LMOD1: variants seen among roughly 807,000 people sequenced by gnomAD.
LMOD1 encodes leiomodin 1.
Under a neutral mutation model 36.5 loss-of-function variants are expected in LMOD1, and 8 were observed. The observed-to-expected ratio is 0.22, with a 90% CI of 0.13 to 0.40. The LOEUF is 0.40. Ranked by LOEUF, LMOD1 falls within the 10% of genes least tolerant of loss-of-function variation. The probability of loss-of-function intolerance (pLI) is 1.00; values close to 1 mark genes in which losing one functional copy is unlikely to be tolerated. For synonymous variants in LMOD1, 284 were observed against 288.7 expected (o/e 0.98, Z 0.17); for missense variants, 630 against 751.1 (o/e 0.84, Z 1.88).
Position 201,896,729 on chromosome 1 carries a change from C to T in LMOD1, c.*1643G>A. On this transcript the variant is annotated 3_prime_UTR_variant, in exon 3 of 3. Coordinates refer to ENST00000367288, the MANE Select transcript of LMOD1 (RefSeq NM_012134.3). ...GAGCCAGTGTGTGTCTGTCTCCTCTCCTCTGGGCCCAGTGATTGCTTAGGT... is the reference window on the plus strand; with the variant it reads ...GAGCCAGTGTGTGTCTGTCTCCTCTTCTCTGGGCCCAGTGATTGCTTAGGT... 1 of 456,256 alleles carries T rather than the reference C, an allele frequency of 2.2e-6. No individual in the cohort carries two copies. Among genetic ancestry groups the T allele is most frequent in the Non-Finnish European group, 4.4e-6 (1 of 226,928 alleles). The allele number at this position is 456,256 out of a possible 1,614,324, so 28.3% of individuals were successfully genotyped here. A position where few individuals can be genotyped will look rare whatever the true frequency, so the allele number is the denominator to read the frequency against.
At position 201,896,819 on chromosome 1, in the gene LMOD1, T is replaced by C. The variant is rs1037940835; in HGVS notation, c.*1553A>G. 9.7e-5 allele frequency: 42 copies of C among 433,494 alleles called. No individual in the cohort carries two copies. The highest frequency in any genetic ancestry group is 1.9e-4 in the Non-Finnish European group (41 of 213,960). The allele number at this position is 433,494 out of a possible 1,614,324, so 26.9% of individuals were successfully genotyped here. A position where few individuals can be genotyped will look rare whatever the true frequency, so the allele number is the denominator to read the frequency against. On this transcript the variant is annotated 3_prime_UTR_variant, in exon 3 of 3. Coordinates refer to ENST00000367288, the MANE Select transcript of LMOD1 (RefSeq NM_012134.3). Reference sequence around the variant, plus strand: ...GAGTGTACCCTGGGATCTGAGGGCTTTACCCCCAGGACTAGACTGCCCTCT... The same window carrying C: ...GAGTGTACCCTGGGATCTGAGGGCTCTACCCCCAGGACTAGACTGCCCTCT...
rs79685078 is a variant in LMOD1, at chr1:201,915,152, C to T, written c.262-14401G>A. On this transcript the variant is annotated intron_variant, in intron 1 of 2. Coordinates refer to ENST00000367288, the MANE Select transcript of LMOD1 (RefSeq NM_012134.3). ...TATTGGCCAGGTCCTTCCTTCAAAA[C>T]GCTTCCCCATCGGTTTCCACCGCAG... is the stretch of plus-strand genomic sequence containing the variant. Among the ~76,000 whole-genome samples, 14 of 152,278 alleles carry T rather than the reference C, an allele frequency of 9.2e-5. No individual in the cohort carries two copies. The East Asian group carries it at 2.1e-3, about 23-fold the overall frequency.
intron 1 of LMOD1, among the ~76,000 whole-genome samples, chr1:201,914,838 G>A (rs1443548780): frequency 6.6e-6 from 1 of 150,928 alleles, no homozygotes; most frequent in African/African-American, 2.4e-5. Context: ...CTCTTTCCTG[G>A]CCCCTTCCCA....
intron 1 of LMOD1, among the ~76,000 whole-genome samples, chr1:201,913,525 C>T (rs1486014066): frequency 1.3e-5 from 2 of 152,024 alleles, no homozygotes; most frequent in South Asian, 2.1e-4. Flanking sequence ...GAGAATCGTC[C>T]GAAGTCAGGA....
At chr1:201,924,679 A>AAGAAAGAAAGAG (rs1283817201) in intron 1 of LMOD1, among the ~76,000 whole-genome samples, 4 of 36,708 alleles carry the variant, frequency 1.1e-4, no homozygotes, top group Admixed American at 3.2e-4. Context: ...GAAAGAAAGA[A>AAGAAAGAAAGAG]AGAAAGAAAG....
intron 1 of LMOD1, among the ~76,000 whole-genome samples, chr1:201,906,234 C>T (rs1396504252): frequency 6.6e-6 from 1 of 152,204 alleles, no homozygotes; most frequent in Non-Finnish European, 1.5e-5. Flanking sequence ...CTGGTTTCTC[C>T]TTGACCAAAG....
chr1:201,941,608 G>C (rs956670365), intron 1 of LMOD1, among the ~76,000 whole-genome samples: 7 of 152,234 alleles, frequency 4.6e-5, no homozygotes, highest in Admixed American at 2.0e-4. Context: ...GGCATTCTGA[G>C]GGTTAGGCCG....
Position 201,917,641 on chromosome 1 carries a change from TA to T in LMOD1, c.262-16891del, listed in dbSNP as rs34091558. On this transcript the variant is annotated intron_variant, in intron 1 of 2. Transcript: ENST00000367288. ...AAACCGGGAAATCTCTTTGGGGAGATAAACAAGTCACTGTAGCACTCTGCTC... is the reference window on the plus strand; with the variant it reads ...AAACCGGGAAATCTCTTTGGGGAGATAACAAGTCACTGTAGCACTCTGCTC... Among the ~76,000 whole-genome samples the T allele has an allele frequency of 0.25, 38,199 of 152,090 alleles. 5,294 individuals carry two copies. Among genetic ancestry groups the T allele is most frequent in the Non-Finnish European group, 0.32 (21,800 of 67,930 alleles).
At chr1:201,905,003 GT>G (rs1681390685) in intron 1 of LMOD1, among the ~76,000 whole-genome samples, 1 of 152,236 alleles carries the variant, frequency 6.6e-6, no homozygotes, top group Admixed American at 6.5e-5. Flanking sequence ...CTGTGTTTCT[GT>G]CGCTAGACCT....
chr1:201,898,193 A>G lies in LMOD1; in HGVS notation c.*179T>C, dbSNP rs1387835678. ...GGAGAGCCTCAGAGACAAGAAAAGG[A>G]AAGTGAGAAGAGATAAGGCATCCTT... On this transcript the variant is annotated 3_prime_UTR_variant, in exon 3 of 3. Transcript: ENST00000367288. 4 of 655,432 alleles carry G rather than the reference A, an allele frequency of 6.1e-6. No individual in the cohort carries two copies. Among genetic ancestry groups the G allele is most frequent in the Non-Finnish European group, 1.1e-5 (4 of 369,422 alleles). The allele number at this position is 655,432 out of a possible 1,614,324, so 40.6% of individuals were successfully genotyped here.
At chr1:201,902,222 C>G (rs1681343689) in intron 1 of LMOD1, among the ~76,000 whole-genome samples, 3 of 151,134 alleles carry the variant, frequency 2.0e-5, no homozygotes, top group African/African-American at 7.3e-5. Context: ...TTTTTAAATT[C>G]ACAGTATTGT....
rs1296821071 is a variant in LMOD1 at position 201,924,343 on chromosome 1, G to T, written c.261+21737C>A. On this transcript the variant is annotated intron_variant, in intron 1 of 2. Coordinates refer to ENST00000367288, the MANE Select transcript of LMOD1 (RefSeq NM_012134.3). ...TGTCTCAAAAAAAAAAAAAAAGAAAGCAAGGGAAGGAGGGAGGGAGAGAGG... is the reference window on the plus strand; with the variant it reads ...TGTCTCAAAAAAAAAAAAAAAGAAATCAAGGGAAGGAGGGAGGGAGAGAGG... Among the ~76,000 whole-genome samples the T allele has an allele frequency of 1.5e-5, 2 of 131,552 alleles. 1 individual carries two copies. Among genetic ancestry groups the T allele is most frequent in the African/African-American group, 5.6e-5 (2 of 35,802 alleles). The allele number at this position is 131,552 out of a possible 152,430, so 86.3% of individuals were successfully genotyped here.
intron 1 of LMOD1, among the ~76,000 whole-genome samples, chr1:201,924,016 AAAAG>A (rs1222270766): frequency 6.6e-6 from 1 of 151,542 alleles, no homozygotes. Flanking sequence ...AAAAGAAAGA[AAAAG>A]AAAAGAAAGA....
chr1:201,901,546 A>ATATG (rs1553295659), intron 1 of LMOD1, among the ~76,000 whole-genome samples: 15 of 43,672 alleles, frequency 3.4e-4, no homozygotes, highest in Non-Finnish European at 5.2e-4. Context: ...ATATATATAT[A>ATATG]TATATACATA....
Position 201,897,045 on chromosome 1 carries a change from A to T in LMOD1, c.*1327T>A, listed in dbSNP as rs1681206971. 3 of 292,214 alleles carry T rather than the reference A, an allele frequency of 1.0e-5. No individual in the cohort carries two copies. The highest frequency in any genetic ancestry group is 2.1e-5 in the Non-Finnish European group (3 of 145,854). The allele number at this position is 292,214 out of a possible 1,614,324, so 18.1% of individuals were successfully genotyped here. On this transcript the variant is annotated 3_prime_UTR_variant, in exon 3 of 3. Coordinates refer to ENST00000367288, the MANE Select transcript of LMOD1 (RefSeq NM_012134.3). ...CTTCAAGAGAATGAAATTCAGAAAG[A>T]TGCCTTTCACCTACACCCGATGGTG...
chr1:201,945,079 G>C (rs1268757827), intron 1 of LMOD1, among the ~76,000 whole-genome samples: 2 of 151,762 alleles, frequency 1.3e-5, no homozygotes, highest in African/African-American at 4.8e-5. Context: ...GGCTGAATAA[G>C]AGAACTAGAA....
At chr1:201,919,496 G>A (rs979569138) in intron 1 of LMOD1, among the ~76,000 whole-genome samples, 3 of 152,166 alleles carry the variant, frequency 2.0e-5, no homozygotes, top group Non-Finnish European at 4.4e-5. Context: ...GAGCCACCAC[G>A]CCTGGCCCCT....
intron 1 of LMOD1, among the ~76,000 whole-genome samples, chr1:201,901,166 C>T (rs1047979997): frequency 1.3e-5 from 2 of 152,062 alleles, no homozygotes; most frequent in African/African-American, 2.4e-5. Context: ...TAAAATTTTG[C>T]ATTGGTGTTT....
chr1:201,924,372 G>A (rs200889540), intron 1 of LMOD1, among the ~76,000 whole-genome samples: 2 of 106,370 alleles, frequency 1.9e-5, no homozygotes, highest in Admixed American at 1.1e-4. Context: ...AGAGAGGGAG[G>A]GAGGGAGGGA....
Sources: gnomAD v4.1 joint callset for allele counts (sites outside exome capture counted in the v4.1 genomes callset) on GRCh38, gnomAD v4.1.1 for gene constraint, MANE v1.5 for transcripts, NCBI Gene and HGNC (gene_info 2026-07-23, HGNC 2026-07-21) for gene names.